Variants in TMEM63B observed in about 807,000 individuals in gnomAD.
The protein encoded by TMEM63B is mechanosensitive cation channel TMEM63B.
TMEM63B carries 23 observed loss-of-function variants against 102.6 expected under a neutral mutation model. The observed-to-expected ratio is 0.22, with a 90% confidence interval of 0.16 to 0.32. The LOEUF is 0.32. Ranked by LOEUF, TMEM63B falls within the 10% of genes least tolerant of loss-of-function variation. The pLI, the probability that TMEM63B is intolerant of heterozygous loss-of-function variation, is 1.00. For synonymous variants in TMEM63B, 444 were observed against 437.0 expected (o/e 1.02, Z -0.20); for missense variants, 628 against 1,095.9 (o/e 0.57, Z 6.03).
chr6:44,138,498 A>G lies in TMEM63B; in HGVS notation c.388A>G (p.Thr130Ala). 1 of 1,614,086 alleles carries G rather than the reference A, an allele frequency of 6.2e-7. No homozygotes were observed. The highest frequency in any genetic ancestry group is 8.5e-7 in the Non-Finnish European group (1 of 1,179,998). ...CCCCCAGGGTTTCTGTTCCTGGCTG[A>G]CAGCCATCTTCAGGATAAAGTAAGT... ...QRDNGFCSWLTAIFRIKDDEI... is the reference protein window; with the variant it reads ...QRDNGFCSWLAAIFRIKDDEI... Residue 130 changes from threonine (T) to alanine (A), a missense_variant, in exon 6 of 24, where the codon ACA (threonine) becomes GCA (alanine). Physicochemically the swap from Thr to Ala is moderately conservative, Grantham distance 58. This residue lies in a region of TMEM63B where 336 missense variants were observed against 580.3 expected (regional missense o/e 0.58). Coordinates refer to ENST00000323267, the MANE Select transcript of TMEM63B (RefSeq NM_018426.3).
intron 4 of TMEM63B, 30 bp from the exon 5 acceptor site, chr6:44,136,319 T>C (rs1762941017): frequency 6.3e-7 from 1 of 1,599,920 alleles, no homozygotes. Flanking sequence ...CTCACCAGGC[T>C]CTCTGATCTC....
chr6:44,146,824 A>T (rs201891308), intron 10 of TMEM63B, 23 bp from the exon 11 acceptor site: 3 of 1,613,358 alleles, frequency 1.9e-6, no homozygotes, highest in East Asian at 2.2e-5. Context: ...CCTGCACAAG[A>T]TGATACATGA....
intron 15 of TMEM63B, among the ~76,000 whole-genome samples, chr6:44,149,443 A>G (rs560490810): frequency 6.6e-5 from 10 of 152,286 alleles, no homozygotes; most frequent in East Asian, 1.9e-4. Flanking sequence ...ACAGTTTGCA[A>G]ATCACTTGGA....
chr6:44,136,460 C>T, intron 5 of TMEM63B, 21 bp downstream of exon 5: 1 of 1,565,716 alleles, frequency 6.4e-7, no homozygotes. Flanking sequence ...TCCCCCCAAA[C>T]TTCTTAGTCC....
At chr6:44,146,340 C>T (rs1233234235) in intron 10 of TMEM63B, among the ~76,000 whole-genome samples, 1 of 152,136 alleles carries the variant, frequency 6.6e-6, no homozygotes, top group African/African-American at 2.4e-5. Context: ...AGGCCTTCTG[C>T]TCCCACTTCC....
chr6:44,136,223 T>C (rs1354692482), intron 4 of TMEM63B, 126 bp from the exon 5 acceptor site: 10 of 732,366 alleles, frequency 1.4e-5, no homozygotes, highest in Admixed American at 1.0e-4. Flanking sequence ...TCCTCTCTGC[T>C]TCAGCCTCTG....
At chr6:44,139,315 G>A in intron 6 of TMEM63B, 152 bp from the exon 7 acceptor site, 3 of 875,692 alleles carry the variant, frequency 3.4e-6, no homozygotes, top group Non-Finnish European at 5.2e-6. Context: ...GAAAATAGGG[G>A]ACCAAGAAGT....
At chr6:44,136,484 C>T (rs1244430049) in intron 5 of TMEM63B, 45 bp downstream of exon 5, 1 of 1,340,240 alleles carries the variant, frequency 7.5e-7, no homozygotes, top group Non-Finnish European at 1.0e-6. Context: ...ACCCCACCCC[C>T]AGGGCACATG....
intron 10 of TMEM63B, among the ~76,000 whole-genome samples, chr6:44,145,709 G>C (rs1313641646): frequency 3.3e-5 from 5 of 152,170 alleles, no homozygotes; most frequent in Non-Finnish European, 5.9e-5. Flanking sequence ...GCTGAGGCAG[G>C]ATGATCACTT....
At position 44,152,572 on chromosome 6, in the gene TMEM63B, T is replaced by C. The variant is rs372474321; in HGVS notation, c.1837-21T>C. On this transcript the variant is annotated intron_variant, in intron 19 of 23. Coordinates refer to ENST00000323267, the MANE Select transcript of TMEM63B (RefSeq NM_018426.3). This position sits in a 1 kb window ranked among gnomAD's most constrained non-coding sequence, Gnocchi z 6.4. ...CAGTCCCTGCCTCCCTGAGCCATCC[T>C]CCTGCCCGTCTCCCCCCCAGCATCA... The C allele has an allele frequency of 2.3e-4, 364 of 1,577,334 alleles. 1 individual carries two copies. The African/African-American group carries it at 2.9e-3, about 13-fold the overall frequency.
intron 21 of TMEM63B, 24 bp from the exon 22 acceptor site, chr6:44,154,049 C>T (rs779115637): frequency 6.2e-7 from 1 of 1,609,780 alleles, no homozygotes; most frequent in Non-Finnish European, 8.5e-7. Flanking sequence ...GATAGCAACC[C>T]CATTCTTTGC....
intron 10 of TMEM63B, 132 bp from the exon 11 acceptor site, chr6:44,146,715 T>G: frequency 1.1e-6 from 1 of 914,592 alleles, no homozygotes. Context: ...CCCCCCAAAG[T>G]GCTGGGATTA....
At chr6:44,139,654 G>C in intron 7 of TMEM63B, 45 bp downstream of exon 7, 1 of 1,614,180 alleles carries the variant, frequency 6.2e-7, no homozygotes, top group South Asian at 1.1e-5. Flanking sequence ...GGATGGGGCT[G>C]GAGGGGATGT....
At position 44,152,847 on chromosome 6, in the gene TMEM63B, C is replaced by A. The variant is rs1167264963; in HGVS notation, c.1942+149C>A. The A allele has an allele frequency of 1.0e-5, 7 of 670,912 alleles. No homozygotes were observed. Among genetic ancestry groups the A allele is most frequent in the Non-Finnish European group, 1.5e-5 (6 of 393,858 alleles). 41.6% of individuals were successfully genotyped at this position (670,912 alleles called of 1,614,324 possible). A position where few individuals can be genotyped will look rare whatever the true frequency, so the allele number is the denominator to read the frequency against. On this transcript the variant is annotated intron_variant, in intron 20 of 23. Coordinates refer to ENST00000323267, the MANE Select transcript of TMEM63B (RefSeq NM_018426.3). This position sits in a 1 kb window ranked among gnomAD's most constrained non-coding sequence, Gnocchi z 6.4. ...GCTCCCGCCCGGTCCCTGGCTCAGTCTGGGGCCTGGCCTGTGGGGAGGAGG... is the reference window on the plus strand; with the variant it reads ...GCTCCCGCCCGGTCCCTGGCTCAGTATGGGGCCTGGCCTGTGGGGAGGAGG...
At chr6:44,130,933 T>C (rs1778145906) in intron 1 of TMEM63B, among the ~76,000 whole-genome samples, 1 of 149,840 alleles carries the variant, frequency 6.7e-6, no homozygotes, top group Non-Finnish European at 1.5e-5. Flanking sequence ...TACTTTTTTT[T>C]TTGAGATGGA....
intron 10 of TMEM63B, among the ~76,000 whole-genome samples, chr6:44,143,816 C>T (rs1048658231): frequency 6.6e-6 from 1 of 152,050 alleles, no homozygotes; most frequent in African/African-American, 2.4e-5. Flanking sequence ...GGAAGGGTTG[C>T]TATTTCTGAT....
At chr6:44,135,284 A>T (rs1762702038) in intron 3 of TMEM63B, 44 bp from the exon 4 acceptor site, 2 of 1,595,060 alleles carry the variant, frequency 1.3e-6, no homozygotes, top group Non-Finnish European at 1.7e-6. Flanking sequence ...GTCCCCAGGG[A>T]CTCTCCCCCG....
At chr6:44,153,004 T>C (rs1442454172) in intron 20 of TMEM63B, among the ~76,000 whole-genome samples, 2 of 152,222 alleles carry the variant, frequency 1.3e-5, no homozygotes, top group African/African-American at 4.8e-5. Flanking sequence ...ATCACATACG[T>C]GCTGACATGT....
At chr6:44,141,418 A>T (rs1764243511) in intron 10 of TMEM63B, among the ~76,000 whole-genome samples, 1 of 152,156 alleles carries the variant, frequency 6.6e-6, no homozygotes, top group South Asian at 2.1e-4. Context: ...CTTCAAAATT[A>T]AAAGCAGCAT....
Sources: gnomAD v4.1 joint callset for allele counts (sites outside exome capture counted in the v4.1 genomes callset) on GRCh38, gnomAD v4.1.1 for gene constraint, gnomAD v4.1.1 regional missense constraint, Gnocchi (gnomAD v3.1) non-coding constraint, MANE v1.5 for transcripts, NCBI Gene and HGNC (gene_info 2026-07-23, HGNC 2026-07-21) for gene names.